The following PPP2R2B variants were observed in gnomAD, a reference collection of about 807,000 sequenced individuals.
The protein encoded by PPP2R2B is protein phosphatase 2 regulatory subunit Bbeta.
PPP2R2B carries 5 observed loss-of-function variants against 46.0 expected under a neutral mutation model. The observed-to-expected ratio is 0.11, with a 90% CI of 0.06 to 0.23. PPP2R2B has a LOEUF of 0.23. Among genes scored for constraint, PPP2R2B ranks in the 10% least tolerant of loss-of-function variants. PPP2R2B has a pLI of 1.00. For missense variants in PPP2R2B, 367 were observed against 575.0 expected (o/e 0.64, Z 3.70); for synonymous variants, 215 against 206.7 (o/e 1.04, Z -0.34).
chr5:146,744,379 T>A (rs1753051535), intron 2 of PPP2R2B, among the ~76,000 whole-genome samples: 1 of 152,162 alleles, frequency 6.6e-6, no homozygotes, highest in Admixed American at 6.5e-5. Flanking sequence ...CATTTTTGGC[T>A]TTTTAGATGA....
chr5:146,621,492 C>T (rs558157179), intron 7 of PPP2R2B, among the ~76,000 whole-genome samples: 13 of 152,152 alleles, frequency 8.5e-5, no homozygotes, highest in Non-Finnish European at 1.3e-4. Flanking sequence ...CACTGGCGGC[C>T]CCACACCTCT....
intron 6 of PPP2R2B, among the ~76,000 whole-genome samples, chr5:146,639,669 C>T (rs887250871): frequency 6.6e-6 from 1 of 152,170 alleles, no homozygotes; most frequent in Admixed American, 6.5e-5. Context: ...TTTTCCTACT[C>T]GTGAGCCACC....
At chr5:147,045,462 CT>C (rs915951821) in intron 1 of PPP2R2B, among the ~76,000 whole-genome samples, 61 of 152,040 alleles carry the variant, frequency 4.0e-4, no homozygotes, top group African/African-American at 1.4e-3. Context: ...GTAGTAGGCT[CT>C]ATGATCTAGG....
At position 146,878,227 on chromosome 5, in the gene PPP2R2B, A is replaced by G. The variant is rs779259127; in HGVS notation, c.-124-32T>C. 5 of 1,535,156 alleles carry G rather than the reference A, an allele frequency of 3.3e-6. No individual in the cohort carries two copies. In the East Asian group the frequency reaches 9.8e-5, roughly 30 times the overall value. ...AGGAGACGGGGAGGCGGAGAGAAAA[A>G]AAATAAAAACCCGGCAATGGAGCTG... On this transcript the variant is annotated intron_variant, in intron 1 of 9. Coordinates refer to ENST00000394411, the MANE Select transcript of PPP2R2B (RefSeq NM_181675.4). This position sits in a 1 kb window ranked among gnomAD's most constrained non-coding sequence, Gnocchi z 4.5.
chr5:146,918,251 T>C (rs373774918), intron 1 of PPP2R2B: 16 of 152,218 alleles, frequency 1.1e-4, no homozygotes, highest in African/African-American at 3.1e-4. Flanking sequence ...GAAACTCGCC[T>C]TGGGCTCTGC....
rs917627413 is a variant in PPP2R2B at position 146,582,542 on chromosome 5, A to G, written c.*7405T>C. The G allele has an allele frequency of 3.6e-4, 54 of 151,780 alleles. No homozygotes were observed. Among genetic ancestry groups the G allele is most frequent in the African/African-American group, 1.2e-3 (51 of 41,272 alleles). 9.4% of individuals were successfully genotyped at this position (151,780 alleles called of 1,614,324 possible). A position where few individuals can be genotyped will look rare whatever the true frequency, so the allele number is the denominator to read the frequency against. ...CTCCCAATTTTTTCTTAATTCCCTG[A>G]CTCCTCTGAGCAGTCCTCTGATGCC... is the stretch of plus-strand genomic sequence containing the variant. On this transcript the variant is annotated 3_prime_UTR_variant, in exon 10 of 10. Coordinates refer to ENST00000394411, the MANE Select transcript of PPP2R2B (RefSeq NM_181675.4).
At position 146,878,185 on chromosome 5, in the gene PPP2R2B, A is replaced by G; in HGVS notation, c.-114T>C. 1 of 1,592,822 alleles carries G rather than the reference A, an allele frequency of 6.3e-7. No individual in the cohort carries two copies. The highest frequency in any genetic ancestry group is 8.6e-7 in the Non-Finnish European group (1 of 1,168,978). ...GCAGGGGAGCCAGTGGGACTGCACC[A>G]TGGTCCGAGCCTGAGGAGGAGACGG... On this transcript the variant is annotated 5_prime_UTR_variant, in exon 2 of 10. The change abolishes an upstream ATG in the 5' untranslated region. Transcript: ENST00000394411. This position sits in a 1 kb window ranked among gnomAD's most constrained non-coding sequence, Gnocchi z 4.5.
intron 3 of PPP2R2B, among the ~76,000 whole-genome samples, chr5:146,699,595 T>C (rs2151165141): frequency 6.6e-6 from 1 of 151,478 alleles, no homozygotes; most frequent in East Asian, 1.9e-4. Flanking sequence ...GGCAACATGC[T>C]GCCTTGGGTA....
At chr5:146,928,147 T>G (rs1032016444) in intron 1 of PPP2R2B, among the ~76,000 whole-genome samples, 1 of 152,226 alleles carries the variant, frequency 6.6e-6, no homozygotes. Context: ...TGTCTTTTTT[T>G]ACTTGTGCCT....
At chr5:147,054,776 C>T (rs185808062) in intron 1 of PPP2R2B, 47 of 444,056 alleles carry the variant, frequency 1.1e-4, no homozygotes, top group African/African-American at 8.9e-4. Context: ...CAACCCTTTT[C>T]AATCAAATGC....
intron 2 of PPP2R2B, among the ~76,000 whole-genome samples, chr5:146,820,471 CA>C (rs1328954093): frequency 6.6e-6 from 1 of 152,112 alleles, no homozygotes; most frequent in Non-Finnish European, 1.5e-5. Context: ...AATAGTTTCC[CA>C]GGGGCAGAAA....
intron 2 of PPP2R2B, among the ~76,000 whole-genome samples, chr5:146,810,113 T>A (rs145865733): frequency 0.016 from 2,361 of 152,292 alleles, 24 homozygotes; most frequent in Non-Finnish European, 0.025. Context: ...AGCCTGACAA[T>A]TAGCCTTGTG....
chr5:146,746,321 G>A (rs568820492), intron 2 of PPP2R2B, among the ~76,000 whole-genome samples: 21 of 152,070 alleles, frequency 1.4e-4, no homozygotes, highest in African/African-American at 3.4e-4. Context: ...TATCACTGGC[G>A]CATGGGATGA....
At chr5:147,025,669 T>C (rs982746509) in intron 1 of PPP2R2B, among the ~76,000 whole-genome samples, 20 of 151,982 alleles carry the variant, frequency 1.3e-4, no homozygotes. Context: ...GTAAATCACA[T>C]ACCTGATAAA....
Position 146,584,724 on chromosome 5 carries a change from G to A in PPP2R2B, c.*5223C>T, listed in dbSNP as rs115079430. On this transcript the variant is annotated 3_prime_UTR_variant, in exon 10 of 10. Transcript: ENST00000394411. ...TCCGTCTACTTTACACTTAAATACAGTGCTTAAAATAAGGTTTAATAAATA... is the reference window on the plus strand; with the variant it reads ...TCCGTCTACTTTACACTTAAATACAATGCTTAAAATAAGGTTTAATAAATA... 363 of 152,294 alleles carry A rather than the reference G, an allele frequency of 2.4e-3. No individual in the cohort carries two copies. Among genetic ancestry groups the A allele is most frequent in the African/African-American group, 7.9e-3 (328 of 41,550 alleles). The allele number at this position is 152,294 out of a possible 1,614,324, so 9.4% of individuals were successfully genotyped here.
chr5:147,011,818 T>C, intron 1 of PPP2R2B, among the ~76,000 whole-genome samples: 1 of 139,020 alleles, frequency 7.2e-6, no homozygotes, highest in Non-Finnish European at 1.6e-5. Context: ...AGGCCTTTTC[T>C]GCATCTATTG....
intron 1 of PPP2R2B, among the ~76,000 whole-genome samples, chr5:147,014,051 C>T (rs1459149605): frequency 1.6e-5 from 2 of 124,358 alleles, no homozygotes; most frequent in Non-Finnish European, 3.5e-5. Flanking sequence ...AAAAAACAAA[C>T]AACCCCATCA....
intron 2 of PPP2R2B, among the ~76,000 whole-genome samples, chr5:146,749,595 T>G: frequency 6.6e-6 from 1 of 150,896 alleles, no homozygotes; most frequent in South Asian, 2.1e-4. Flanking sequence ...TTCCTTTTTT[T>G]CTTTTCTTTT....
intron 8 of PPP2R2B, among the ~76,000 whole-genome samples, chr5:146,599,770 G>T (rs113489827): frequency 0.025 from 3,741 of 152,208 alleles, 147 homozygotes; most frequent in African/African-American, 0.086. Context: ...TCTACATTAG[G>T]TATTTCTCCT....
Sources: allele counts gnomAD v4.1 joint callset (sites outside exome capture counted in the v4.1 genomes callset), GRCh38; gene constraint gnomAD v4.1.1; non-coding constraint Gnocchi (gnomAD v3.1); transcripts MANE v1.5; gene names NCBI Gene and HGNC (gene_info 2026-07-23, HGNC 2026-07-21).